The following ZNF511 variants were observed in gnomAD, a reference collection of about 807,000 sequenced individuals.
ZNF511 encodes the protein zinc finger protein 511.
A neutral mutation model predicts 24.8 loss-of-function variants in ZNF511; 26 were observed. That is an observed-to-expected ratio of 1.05 (90% CI 0.77 to 1.46). ZNF511 has a LOEUF of 1.46. ZNF511 is among the 40% of genes most tolerant of loss of function. The probability of loss-of-function intolerance (pLI) is 0.00; values close to 1 mark genes in which losing one functional copy is unlikely to be tolerated. For missense variants in ZNF511, 358 were observed against 345.0 expected (o/e 1.04, Z -0.30); for synonymous variants, 144 against 139.6 (o/e 1.03, Z -0.22).
chr10:133,309,475 G>C lies in ZNF511; in HGVS notation c.227+12G>C. The C allele has an allele frequency of 6.2e-7, 1 of 1,610,690 alleles. No individual in the cohort carries two copies. ...CCTGAGAAGCCCAGGTAAGCGAATGGGCAGTGCCTAGCCAGTGCTACTCCT... is the reference window on the plus strand; with the variant it reads ...CCTGAGAAGCCCAGGTAAGCGAATGCGCAGTGCCTAGCCAGTGCTACTCCT... On this transcript the variant is annotated intron_variant, in intron 2 of 5. Coordinates refer to ENST00000361518, the MANE Select transcript of ZNF511 (RefSeq NM_145806.4).
rs1434278797 is a variant in ZNF511 at position 133,312,878 on chromosome 10, A to G, written c.*12A>G. 22 of 1,614,112 alleles carry G rather than the reference A, an allele frequency of 1.4e-5. No individual in the cohort carries two copies. Among genetic ancestry groups the G allele is most frequent in the South Asian group, 2.2e-5 (2 of 91,086 alleles). ...CCAAACAATGCTGATAGACTCAGAAAAGGAGTGGGGGGCAGTCACCACTGC... is the reference window on the plus strand; with the variant it reads ...CCAAACAATGCTGATAGACTCAGAAGAGGAGTGGGGGGCAGTCACCACTGC... On this transcript the variant is annotated 3_prime_UTR_variant, in exon 6 of 6. Coordinates refer to ENST00000361518, the MANE Select transcript of ZNF511 (RefSeq NM_145806.4).
rs1564777884 is a variant in ZNF511, at chr10:133,309,442, CCG to C, written c.207_208del (p.Asp70ArgfsTer3). 1.6e-5 allele frequency: 26 copies of C among 1,612,480 alleles called. No individual in the cohort carries two copies. The highest frequency in any genetic ancestry group is 2.1e-5 in the Non-Finnish European group (25 of 1,179,728). On this transcript the variant is annotated frameshift_variant, in exon 2 of 6. Transcript: ENST00000361518. LOFTEE classifies it high-confidence loss of function. Reference sequence around the variant, plus strand: ...CTCCAGGACGTGATCATGCAGGTGGCCGACGTGCCTGAGAAGCCCAGGTAAGC... The same window carrying C: ...CTCCAGGACGTGATCATGCAGGTGGCACGTGCCTGAGAAGCCCAGGTAAGC...
chr10:133,310,949 G>A (rs888144247), intron 4 of ZNF511, among the ~76,000 whole-genome samples: 2 of 151,956 alleles, frequency 1.3e-5, no homozygotes, highest in Admixed American at 6.6e-5. Flanking sequence ...CTACCAACAC[G>A]CATCGCCGCA....
At chr10:133,309,686 T>C in intron 2 of ZNF511, 90 bp from the exon 3 acceptor site, 1 of 1,473,274 alleles carries the variant, frequency 6.8e-7, no homozygotes. Flanking sequence ...ATAGGGGCTT[T>C]ATTGGACGTC....
At chr10:133,309,316 G>A in intron 1 of ZNF511, 74 bp from the exon 2 acceptor site, 2 of 1,530,412 alleles carry the variant, frequency 1.3e-6, no homozygotes, top group Non-Finnish European at 1.8e-6. Context: ...TGGGGCCACG[G>A]GTGTGGGCGA....
chr10:133,309,306 T>C (rs1034695903), intron 1 of ZNF511, 84 bp from the exon 2 acceptor site: 3 of 1,502,342 alleles, frequency 2.0e-6, no homozygotes, highest in Non-Finnish European at 2.7e-6. Context: ...GCGGGATGAC[T>C]GGGGCCACGG....
Position 133,309,465 on chromosome 10 carries a change from T to C in ZNF511, c.227+2T>C, listed in dbSNP as rs753482184. 2 of 1,611,782 alleles carry C rather than the reference T, an allele frequency of 1.2e-6. No individual in the cohort carries two copies. The highest frequency in any genetic ancestry group is 1.7e-6 in the Non-Finnish European group (2 of 1,179,426). ...GGCCGACGTGCCTGAGAAGCCCAGG[T>C]AAGCGAATGGGCAGTGCCTAGCCAG... On this transcript the variant is annotated splice_donor_variant, in intron 2 of 5. Coordinates refer to ENST00000361518, the MANE Select transcript of ZNF511 (RefSeq NM_145806.4). LOFTEE classifies it high-confidence loss of function.
intron 1 of ZNF511, 93 bp downstream of exon 1, chr10:133,309,189 C>T (rs1847922960): frequency 3.6e-6 from 5 of 1,371,738 alleles, no homozygotes; most frequent in Admixed American, 3.2e-5. Flanking sequence ...GAGGGGCCTA[C>T]GACTGCGGGG....
Position 133,310,217 on chromosome 10 carries a change from G to A in ZNF511, c.483G>A (p.Arg161=), listed in dbSNP as rs539671414. The change falls in exon 4 of 6, where the codon CGG becomes CGA. Residue 161 remains arginine, a synonymous_variant. Transcript: ENST00000361518. ...AGAAGTTCAAGACCAGCAGAGACCG[G>A]AAGGATCACATGGTGAGGATGCACC... The part of the protein sequence containing the change: ...CTEKFKTSRD[R]KDHMVRMHLY... 5 of 1,614,082 alleles carry A rather than the reference G, an allele frequency of 3.1e-6. No homozygotes were observed. Among genetic ancestry groups the A allele is most frequent in the Admixed American group, 3.3e-5 (2 of 60,028 alleles).
chr10:133,310,326 A>C, intron 4 of ZNF511, 38 bp downstream of exon 4: 2 of 1,611,402 alleles, frequency 1.2e-6, no homozygotes, highest in South Asian at 2.2e-5. Context: ...TCTGCTTTTG[A>C]TTTTAGGAAA....
chr10:133,311,917 C>T (rs768917726), intron 5 of ZNF511, 76 bp downstream of exon 5: 20 of 1,613,032 alleles, frequency 1.2e-5, no homozygotes, highest in East Asian at 8.9e-5. Flanking sequence ...GCACCTGGGC[C>T]GCAGCTCTTC....
At position 133,312,740 on chromosome 10, in the gene ZNF511, T is replaced by G. The variant is rs759237362; in HGVS notation, c.681-48T>G. 7.4e-6 allele frequency: 12 copies of G among 1,613,800 alleles called. No homozygotes were observed. The African/African-American group carries it at 1.6e-4, about 22-fold the overall frequency. On this transcript the variant is annotated intron_variant, in intron 5 of 5. Coordinates refer to ENST00000361518, the MANE Select transcript of ZNF511 (RefSeq NM_145806.4). ...ACACAAGTGCTGTTATGACCTGGGT[T>G]GTTGGTTGGCAAATACAGCATCTAA...
intron 4 of ZNF511, among the ~76,000 whole-genome samples, chr10:133,311,189 G>A (rs1847981702): frequency 6.6e-6 from 1 of 152,134 alleles, no homozygotes; most frequent in South Asian, 2.1e-4. Flanking sequence ...ATTGATCAGA[G>A]TTTTTCAGAC....
chr10:133,309,388 A>G lies in ZNF511; in HGVS notation c.154-2A>G, dbSNP rs1847931793. 1 of 1,611,094 alleles carries G rather than the reference A, an allele frequency of 6.2e-7. No homozygotes were observed. The highest frequency in any genetic ancestry group is 1.1e-5 in the South Asian group (1 of 90,844). On this transcript the variant is annotated splice_acceptor_variant, in intron 1 of 5. Transcript: ENST00000361518. LOFTEE classifies it high-confidence loss of function. ...CCCGCCCACGGCGCACTTTTCCTGC[A>G]GGATGGGGACGTGCAGCGCCACCTC... is the stretch of plus-strand genomic sequence containing the variant.
chr10:133,309,378 C>G lies in ZNF511; in HGVS notation c.154-12C>G, dbSNP rs1264276370. ...GTCACCTGGCCCCGCCCACGGCGCA[C>G]TTTTCCTGCAGGATGGGGACGTGCA... On this transcript the variant is annotated splice_polypyrimidine_tract_variant and intron_variant, in intron 1 of 5. Coordinates refer to ENST00000361518, the MANE Select transcript of ZNF511 (RefSeq NM_145806.4). 6.2e-7 allele frequency: 1 copy of G among 1,610,090 alleles called. No individual in the cohort carries two copies. Among genetic ancestry groups the G allele is most frequent in the South Asian group, 1.1e-5 (1 of 90,740 alleles).
At chr10:133,309,253 C>A in intron 1 of ZNF511, 137 bp from the exon 2 acceptor site, 2 of 1,211,656 alleles carry the variant, frequency 1.7e-6, no homozygotes, top group South Asian at 3.0e-5. Flanking sequence ...GGGGCCGGAA[C>A]GTGGAGTGGG....
At position 133,309,096 on chromosome 10, in the gene ZNF511, G is replaced by T; in HGVS notation, c.153G>T (p.Glu51Asp). Residue 51 changes from glutamate (E) to aspartate (D), a missense_variant and splice_region_variant, in exon 1 of 6, where the codon GAG becomes GAT. Transcript: ENST00000361518. ...VRFPREHQFF[E>D]DGDVQRHLYL... Reference sequence around the variant, plus strand: ...TCCCGCGGGAGCACCAGTTCTTCGAGGTGCGTGAGCAAAAGAGGGAAAAAG... The same window carrying T: ...TCCCGCGGGAGCACCAGTTCTTCGATGTGCGTGAGCAAAAGAGGGAAAAAG... 7.6e-7 allele frequency: 1 copy of T among 1,317,300 alleles called. No homozygotes were observed. 81.6% of individuals were successfully genotyped at this position (1,317,300 alleles called of 1,614,324 possible).
chr10:133,309,582 GCCTGTCCAGCTTTGGCGTGGCCGACTC>G (rs1366714369), intron 2 of ZNF511, 119 bp downstream of exon 2: 113 of 1,317,422 alleles, frequency 8.6e-5, no homozygotes, highest in Non-Finnish European at 1.2e-4. Context: ...GAGGCGCTGT[GCCTGTCCAGCTTTGGCGTGGCCGACTC>G]TTCCACCACC....
At chr10:133,311,502 G>A (rs1256895536) in intron 4 of ZNF511, 1 of 503,084 alleles carries the variant, frequency 2.0e-6, no homozygotes, top group African/African-American at 1.9e-5. Flanking sequence ...AAGTTTATAA[G>A]ATGCAGACTC....
Sources: allele counts gnomAD v4.1 joint callset (sites outside exome capture counted in the v4.1 genomes callset), GRCh38; gene constraint gnomAD v4.1.1; transcripts MANE v1.5; gene names NCBI Gene and HGNC (gene_info 2026-07-23, HGNC 2026-07-21).